ABCD4: variants seen among roughly 807,000 people sequenced by gnomAD.
The protein encoded by ABCD4 is lysosomal cobalamin transporter ABCD4.
In ABCD4, 53 loss-of-function variants were observed where a neutral mutation model predicts 86.3. The observed-to-expected ratio is 0.61, with a 90% CI of 0.49 to 0.77. ABCD4 has a LOEUF of 0.77. Ranked by LOEUF, ABCD4 falls within the 30% of genes least tolerant of loss-of-function variation. ABCD4 has a pLI of 0.00. For synonymous variants in ABCD4, 328 were observed against 313.6 expected (o/e 1.05, Z -0.49); for missense variants, 757 against 764.5 (o/e 0.99, Z 0.12).
chr14:74,286,823 G>C lies in ABCD4; in HGVS notation c.1637-7C>G, dbSNP rs759449821. The C allele has an allele frequency of 1.2e-6, 2 of 1,613,096 alleles. No individual in the cohort carries two copies. Among genetic ancestry groups the C allele is most frequent in the East Asian group, 4.5e-5 (2 of 44,872 alleles). ...CTGGTGGCTTCATCAAGCACTGAGGGGGCAGAGCACAGAGGAAGAGATCAA... is the reference window on the plus strand; with the variant it reads ...CTGGTGGCTTCATCAAGCACTGAGGCGGCAGAGCACAGAGGAAGAGATCAA... On this transcript the variant is annotated splice_polypyrimidine_tract_variant and splice_region_variant and intron_variant, in intron 17 of 18. Coordinates refer to ENST00000356924, the MANE Select transcript of ABCD4 (RefSeq NM_005050.4).
rs151116417 is a variant in ABCD4, at chr14:74,286,699, A to G, written c.1752+2T>C. The G allele has an allele frequency of 2.6e-5, 42 of 1,613,936 alleles. No individual in the cohort carries two copies. Among genetic ancestry groups the G allele is most frequent in the Non-Finnish European group, 2.3e-5 (27 of 1,180,028 alleles). On this transcript the variant is annotated splice_donor_variant, in intron 18 of 18. Coordinates refer to ENST00000356924, the MANE Select transcript of ABCD4 (RefSeq NM_005050.4). LOFTEE classifies it high-confidence loss of function. ...TCAGGCCATCCTTGTGAGCACGGGT[A>G]CCTTCTCAAGGCTCTGCCGATGTCC...
At chr14:74,296,968 CAGCA>C (rs1438762703) in intron 4 of ABCD4, 7 of 153,494 alleles carry the variant, frequency 4.6e-5, no homozygotes, top group African/African-American at 1.7e-4. Context: ...TAGGCAGCAG[CAGCA>C]GCCTCCCACG....
chr14:74,296,777 G>A (rs1022485294), intron 4 of ABCD4: 12 of 243,414 alleles, frequency 4.9e-5, no homozygotes, highest in Non-Finnish European at 9.5e-5. Flanking sequence ...TGTTTTGGAT[G>A]ATCAAGAAGA....
At chr14:74,288,415 G>T in intron 15 of ABCD4, 156 bp from the exon 16 acceptor site, 2 of 725,932 alleles carry the variant, frequency 2.8e-6, no homozygotes, top group Non-Finnish European at 2.2e-6. Context: ...GGGACAGTCT[G>T]CCCCAGGCAG....
rs781629426 is a variant in ABCD4, at chr14:74,295,910, CAA to C, written c.610_611del (p.Leu204AspfsTer19). 4 of 1,613,140 alleles carry C rather than the reference CAA, an allele frequency of 2.5e-6. No homozygotes were observed. In the African/African-American group the frequency reaches 4.0e-5, roughly 16 times the overall value. ...CCAGCTTCATCACAATGGGGCCCAT[CAA>C]AGTTTTGTTCACCACGGTCCCCAGG... is the stretch of plus-strand genomic sequence containing the variant. ...FILGTVVNKTLMGPIVMKLVH... is the reference protein window; with the variant it reads ...FILGTVVNKTXMGPIVMKLVH... On this transcript the variant is annotated frameshift_variant, in exon 6 of 19. Transcript: ENST00000356924. LOFTEE classifies it high-confidence loss of function.
intron 1 of ABCD4, among the ~76,000 whole-genome samples, chr14:74,302,450 C>G (rs2084890321): frequency 6.6e-6 from 1 of 152,150 alleles, no homozygotes; most frequent in Admixed American, 6.5e-5. Flanking sequence ...TATAACACAC[C>G]AGAGTGGCTG....
At chr14:74,289,968 C>A in intron 13 of ABCD4, 59 bp downstream of exon 13, 1 of 1,611,308 alleles carries the variant, frequency 6.2e-7, no homozygotes, top group Non-Finnish European at 8.5e-7. Flanking sequence ...TGCCAGAGGT[C>A]CCAGCTGTGG....
chr14:74,287,233 C>G (rs2080023223), intron 17 of ABCD4, among the ~76,000 whole-genome samples: 4 of 152,130 alleles, frequency 2.6e-5, no homozygotes, highest in Non-Finnish European at 4.4e-5. Flanking sequence ...ATGTTGGCTC[C>G]TGGCTCCAGC....
In ABCD4 at chr14:74,295,073, G is replaced by A; in HGVS notation, c.719+75C>T. On this transcript the variant is annotated intron_variant, in intron 7 of 18. Transcript: ENST00000356924. ...GCCCCTGAGCTCGGTGGTGGTGGGA[G>A]GGTTGAGGATTCATCTTTCCTTCTC... is the stretch of plus-strand genomic sequence containing the variant. The A allele has an allele frequency of 1.9e-6, 3 of 1,561,146 alleles. No homozygotes were observed. The South Asian group carries it at 3.3e-5, about 17-fold the overall frequency.
chr14:74,297,259 AATG>A (rs534109700), intron 4 of ABCD4: 1 of 152,234 alleles, frequency 6.6e-6, no homozygotes. Context: ...GCATTACATG[AATG>A]ATATTTCATC....
At chr14:74,288,886 G>A in intron 14 of ABCD4, 121 bp from the exon 15 acceptor site, 1 of 1,282,674 alleles carries the variant, frequency 7.8e-7, no homozygotes, top group South Asian at 1.4e-5. Context: ...GGCCGAGGCA[G>A]GTGGATCACA....
intron 2 of ABCD4, 63 bp downstream of exon 2, chr14:74,300,087 A>AT: frequency 1.4e-6 from 1 of 711,206 alleles, no homozygotes; most frequent in Non-Finnish European, 2.3e-6. Flanking sequence ...AAAAAAAAAA[A>AT]GATGGAAAGG....
intron 1 of ABCD4, among the ~76,000 whole-genome samples, chr14:74,301,221 G>T (rs2084396748): frequency 6.6e-6 from 1 of 150,810 alleles, no homozygotes; most frequent in Non-Finnish European, 1.5e-5. Context: ...ATGCAGTGGT[G>T]CGATCTCAGC....
intron 1 of ABCD4, among the ~76,000 whole-genome samples, chr14:74,301,517 C>G (rs143411879): frequency 6.6e-6 from 1 of 152,204 alleles, no homozygotes; most frequent in Non-Finnish European, 1.5e-5. Flanking sequence ...AGGAAATCCA[C>G]AGAGAAGTGG....
chr14:74,291,713 G>C (rs907427607), intron 11 of ABCD4, among the ~76,000 whole-genome samples: 2 of 152,192 alleles, frequency 1.3e-5, no homozygotes, highest in Admixed American at 6.5e-5. Context: ...AATTCAGACT[G>C]ATTTTTGAAA....
chr14:74,299,532 G>A lies in ABCD4; in HGVS notation c.285+16C>T. 2 of 1,612,742 alleles carry A rather than the reference G, an allele frequency of 1.2e-6. No homozygotes were observed. Among genetic ancestry groups the A allele is most frequent in the Non-Finnish European group, 1.7e-6 (2 of 1,179,112 alleles). ...CTGGAGAGGACGAGAGACACAGAGA[G>A]AGGGAAAGATCTTACCGTGGAGTTC... On this transcript the variant is annotated intron_variant, in intron 3 of 18. Coordinates refer to ENST00000356924, the MANE Select transcript of ABCD4 (RefSeq NM_005050.4).
At chr14:74,288,688 G>A (rs932035002) in intron 15 of ABCD4, 28 bp downstream of exon 15, 2 of 1,611,466 alleles carry the variant, frequency 1.2e-6, no homozygotes, top group Non-Finnish European at 1.7e-6. Context: ...GGTGGGCTCG[G>A]GTCCTGAGGG....
intron 11 of ABCD4, among the ~76,000 whole-genome samples, chr14:74,291,075 C>T (rs544206885): frequency 2.6e-5 from 4 of 152,142 alleles, no homozygotes; most frequent in Non-Finnish European, 5.9e-5. Context: ...GGCAGGGGCA[C>T]GCACATATAA....
Position 74,286,195 on chromosome 14 carries a change from A to G in ABCD4, c.*266T>C, listed in dbSNP as rs1391120314. ...GCAAACATGATCTGAAATCATTTGT[A>G]GGTAATCAGCACTTCAAGCATATGG... On this transcript the variant is annotated 3_prime_UTR_variant, in exon 19 of 19. Transcript: ENST00000356924. 7 of 373,400 alleles carry G rather than the reference A, an allele frequency of 1.9e-5. No individual in the cohort carries two copies. Among genetic ancestry groups the G allele is most frequent in the Non-Finnish European group, 3.4e-5 (7 of 207,098 alleles). 23.1% of individuals were successfully genotyped at this position (373,400 alleles called of 1,614,324 possible).
Sources: gnomAD v4.1 joint callset for allele counts (sites outside exome capture counted in the v4.1 genomes callset) on GRCh38, gnomAD v4.1.1 for gene constraint, MANE v1.5 for transcripts, NCBI Gene and HGNC (gene_info 2026-07-23, HGNC 2026-07-21) for gene names.